IL26: variants seen among roughly 807,000 people sequenced by gnomAD.
IL26 encodes interleukin-26.
Under a neutral mutation model 21.7 loss-of-function variants are expected in IL26, and 23 were observed. The ratio of observed to expected loss-of-function variants is 1.06; its 90% CI spans 0.76 to 1.50. The LOEUF is 1.50. Among genes scored for constraint, IL26 ranks in the 40% most tolerant of loss-of-function variants. The pLI, the probability that IL26 is intolerant of heterozygous loss-of-function variation, is 0.00. For missense variants in IL26, 204 were observed against 196.0 expected (o/e 1.04, Z -0.24); for synonymous variants, 63 against 67.8 (o/e 0.93, Z 0.34).
intron 3 of IL26, among the ~76,000 whole-genome samples, chr12:68,207,048 CT>C (rs1868563416): frequency 6.6e-6 from 1 of 152,178 alleles, no homozygotes; most frequent in African/African-American, 2.4e-5. Context: ...ATGTGCCTTT[CT>C]TTTAGCAGTC....
At chr12:68,209,602 C>G (rs964803951) in intron 3 of IL26, among the ~76,000 whole-genome samples, 1 of 152,142 alleles carries the variant, frequency 6.6e-6, no homozygotes, top group Admixed American at 6.5e-5. Flanking sequence ...GTCAGGGTAG[C>G]CTTCCACCCT....
At chr12:68,205,420 G>T (rs931493546) in intron 3 of IL26, among the ~76,000 whole-genome samples, 31 of 151,832 alleles carry the variant, frequency 2.0e-4, no homozygotes, top group Non-Finnish European at 2.1e-4. Context: ...TTGTGAGATA[G>T]ATAGATAGAT....
At chr12:68,209,010 T>C (rs1407411792) in intron 3 of IL26, among the ~76,000 whole-genome samples, 1 of 152,272 alleles carries the variant, frequency 6.6e-6, no homozygotes, top group Non-Finnish European at 1.5e-5. Context: ...TAGACATTAG[T>C]GACCCTTATA....
chr12:68,217,088 A>C (rs180765193), intron 3 of IL26, among the ~76,000 whole-genome samples: 1 of 152,322 alleles, frequency 6.6e-6, no homozygotes, highest in African/African-American at 2.4e-5. Context: ...TACATTACAC[A>C]TAACTTATTT....
At chr12:68,218,548 G>A (rs1383290469) in intron 3 of IL26, among the ~76,000 whole-genome samples, 1 of 151,844 alleles carries the variant, frequency 6.6e-6, no homozygotes, top group Non-Finnish European at 1.5e-5. Flanking sequence ...AAAAGACTGG[G>A]AAAAAACAAC....
chr12:68,202,613 T>C (rs932194297), intron 3 of IL26, among the ~76,000 whole-genome samples: 11 of 152,120 alleles, frequency 7.2e-5, no homozygotes, highest in African/African-American at 2.4e-4. Context: ...TTTTAAACCA[T>C]CAGATTTCAT....
chr12:68,222,600 C>G (rs11570921), intron 3 of IL26, among the ~76,000 whole-genome samples: 25,728 of 152,094 alleles, frequency 0.17, 2,989 homozygotes, highest in East Asian at 0.56. Flanking sequence ...GTCTCCCGAT[C>G]GTGGAAGAAG....
At chr12:68,223,419 C>A (rs1565740449) in intron 3 of IL26, among the ~76,000 whole-genome samples, 3 of 152,164 alleles carry the variant, frequency 2.0e-5, no homozygotes, top group Admixed American at 6.5e-5. Flanking sequence ...CCAAGAAAAA[C>A]CAGAGTTCCT....
chr12:68,212,187 T>G (rs994642429), intron 3 of IL26, among the ~76,000 whole-genome samples: 1 of 152,206 alleles, frequency 6.6e-6, no homozygotes, highest in Non-Finnish European at 1.5e-5. Flanking sequence ...ATGAGTTGGC[T>G]GTAAATGTAT....
Position 68,218,032 on chromosome 12 carries a change from T to G in IL26, c.363+7117A>C, listed in dbSNP as rs924763042. Among the ~76,000 whole-genome samples the G allele has an allele frequency of 9.2e-5, 14 of 152,254 alleles. No individual in the cohort carries two copies. In the East Asian group the frequency reaches 2.7e-3, roughly 29 times the overall value. ...AGCACTAGACTAAACAATACTTTGG[T>G]CCTGCCTAACAAAGCTTAAACAACA... On this transcript the variant is annotated intron_variant, in intron 3 of 4. Coordinates refer to ENST00000229134, the MANE Select transcript of IL26 (RefSeq NM_018402.2).
At chr12:68,212,342 T>A (rs1868756772) in intron 3 of IL26, among the ~76,000 whole-genome samples, 1 of 152,162 alleles carries the variant, frequency 6.6e-6, no homozygotes, top group South Asian at 2.1e-4. Flanking sequence ...TTCTTTTTGC[T>A]CAGTATTGCT....
chr12:68,203,197 G>A (rs1195276845), intron 3 of IL26, among the ~76,000 whole-genome samples: 1 of 152,142 alleles, frequency 6.6e-6, no homozygotes, highest in Non-Finnish European at 1.5e-5. Flanking sequence ...TCCGCTTTGT[G>A]CAAGTGAATT....
At chr12:68,219,357 T>C (rs985291064) in intron 3 of IL26, among the ~76,000 whole-genome samples, 1 of 151,906 alleles carries the variant, frequency 6.6e-6, no homozygotes, top group African/African-American at 2.4e-5. Flanking sequence ...TGATATCAAA[T>C]TAGAAATCAA....
At chr12:68,211,564 C>T (rs1202080809) in intron 3 of IL26, among the ~76,000 whole-genome samples, 1 of 152,134 alleles carries the variant, frequency 6.6e-6, no homozygotes, top group African/African-American at 2.4e-5. Context: ...TCCTTCCCAG[C>T]ATCACTACTG....
chr12:68,219,926 TATC>T (rs200957761), intron 3 of IL26, among the ~76,000 whole-genome samples: 4 of 151,950 alleles, frequency 2.6e-5, no homozygotes, highest in African/African-American at 4.8e-5. Context: ...ATTAAGGAAA[TATC>T]ATGAAAAATT....
intron 3 of IL26, among the ~76,000 whole-genome samples, 185 bp downstream of exon 3, chr12:68,224,961 TAGC>T (rs1390271183): frequency 1.3e-5 from 2 of 152,236 alleles, no homozygotes; most frequent in South Asian, 2.1e-4. Flanking sequence ...AAATAATAAA[TAGC>T]AGCATTCTGA....
At chr12:68,204,461 A>G (rs908642432) in intron 3 of IL26, among the ~76,000 whole-genome samples, 1 of 152,056 alleles carries the variant, frequency 6.6e-6, no homozygotes, top group Non-Finnish European at 1.5e-5. Flanking sequence ...AAGATTTAAC[A>G]CTGAAGGTAA....
At chr12:68,218,189 A>C (rs1306457948) in intron 3 of IL26, among the ~76,000 whole-genome samples, 4 of 152,128 alleles carry the variant, frequency 2.6e-5, no homozygotes, top group Non-Finnish European at 5.9e-5. Flanking sequence ...CATTTGATCA[A>C]AATTACCAGC....
At chr12:68,221,407 T>C (rs1458678683) in intron 3 of IL26, among the ~76,000 whole-genome samples, 1 of 152,204 alleles carries the variant, frequency 6.6e-6, no homozygotes, top group African/African-American at 2.4e-5. Context: ...ATGTGGCAAT[T>C]ATTTATTTCA....
Sources: gnomAD v4.1 joint callset for allele counts (sites outside exome capture counted in the v4.1 genomes callset) on GRCh38, gnomAD v4.1.1 for gene constraint, MANE v1.5 for transcripts, NCBI Gene and HGNC (gene_info 2026-07-23, HGNC 2026-07-21) for gene names.